Variants in PHC2 observed in about 807,000 individuals in gnomAD.
PHC2 encodes polyhomeotic-like protein 2.
Under a neutral mutation model 87.4 loss-of-function variants are expected in PHC2, and 29 were observed. That is an observed-to-expected ratio of 0.33 (90% CI 0.25 to 0.45). PHC2 has a LOEUF of 0.45. Ranked by LOEUF, PHC2 falls within the 20% of genes least tolerant of loss-of-function variation. PHC2 has a pLI of 1.00. For missense variants in PHC2, 857 were observed against 1,136.7 expected (o/e 0.75, Z 3.54); for synonymous variants, 438 against 461.7 (o/e 0.95, Z 0.66).
In PHC2 at chr1:33,380,971, G is replaced by A. The variant is rs111835310; in HGVS notation, c.-54-5378C>T. ...ACTTCCTACCTCTGTGGTTTTTACC[G>A]CTGTGGTTTCACTCACGCTATTCCC... On this transcript the variant is annotated intron_variant, in intron 1 of 14. Coordinates refer to ENST00000683057, the MANE Select transcript of PHC2 (RefSeq NM_001385109.1). Among the ~76,000 whole-genome samples, 375 of 152,236 alleles carry A rather than the reference G, an allele frequency of 2.5e-3. 7 individuals carry two copies. Among genetic ancestry groups the A allele is most frequent in the African/African-American group, 8.0e-3 (332 of 41,530 alleles).
At chr1:33,341,531 C>T (rs1027384473) in intron 9 of PHC2, among the ~76,000 whole-genome samples, 4 of 152,136 alleles carry the variant, frequency 2.6e-5, no homozygotes, top group Non-Finnish European at 5.9e-5. Context: ...TTAATCAGGA[C>T]GCACAAGCTG....
intron 1 of PHC2, among the ~76,000 whole-genome samples, chr1:33,377,714 T>C (rs1177601586): frequency 1.3e-5 from 2 of 151,930 alleles, no homozygotes; most frequent in Admixed American, 6.6e-5. Flanking sequence ...ATATAATTTT[T>C]CATACTAATG....
intron 9 of PHC2, chr1:33,346,085 G>A (rs1646839952): frequency 2.0e-6 from 2 of 985,164 alleles, no homozygotes; most frequent in Non-Finnish European, 2.4e-6. Flanking sequence ...ATCTTGAGGG[G>A]TAGTTCAGTT....
At chr1:33,426,791 G>A (rs895614475) in intron 1 of PHC2, among the ~76,000 whole-genome samples, 6 of 152,198 alleles carry the variant, frequency 3.9e-5, no homozygotes, top group Admixed American at 6.5e-5. Flanking sequence ...AGCACAAAAT[G>A]CTTTCCTACC....
chr1:33,380,477 G>A (rs1420636844), intron 1 of PHC2, among the ~76,000 whole-genome samples: 1 of 152,156 alleles, frequency 6.6e-6, no homozygotes, highest in African/African-American at 2.4e-5. Flanking sequence ...TGTTTTCAAA[G>A]TTCATTCATG....
intron 6 of PHC2, among the ~76,000 whole-genome samples, chr1:33,367,749 T>C (rs1647563368): frequency 6.6e-6 from 1 of 152,036 alleles, no homozygotes; most frequent in Non-Finnish European, 1.5e-5. Context: ...CCCAACACTT[T>C]CAGGATTGGA....
At position 33,334,037 on chromosome 1, in the gene PHC2, A is replaced by C; in HGVS notation, c.1761+53T>G. ...TACATGGAAATGTAAAAATATTCTA[A>C]GACACATCCAAAATATACTTAAAAA... is the stretch of plus-strand genomic sequence containing the variant. On this transcript the variant is annotated intron_variant, in intron 10 of 14. Transcript: ENST00000683057. This position sits in a 1 kb window ranked among gnomAD's most constrained non-coding sequence, Gnocchi z 5.5. 1.4e-6 allele frequency: 2 copies of C among 1,447,408 alleles called. No individual in the cohort carries two copies. The allele number at this position is 1,447,408 out of a possible 1,614,324, so 89.7% of individuals were successfully genotyped here.
At chr1:33,338,786 G>C (rs115513894) in intron 9 of PHC2, among the ~76,000 whole-genome samples, 5 of 152,128 alleles carry the variant, frequency 3.3e-5, no homozygotes, top group Admixed American at 6.6e-5. Flanking sequence ...TCAAATGCCT[G>C]TATACAGTCA....
At chr1:33,412,768 T>C (rs1374488727) in intron 1 of PHC2, among the ~76,000 whole-genome samples, 1 of 152,188 alleles carries the variant, frequency 6.6e-6, no homozygotes, top group Non-Finnish European at 1.5e-5. Context: ...AGCATAAATC[T>C]TGTAATTGAA....
intron 1 of PHC2, among the ~76,000 whole-genome samples, chr1:33,401,807 C>T (rs1367660600): frequency 6.6e-6 from 1 of 152,004 alleles, no homozygotes; most frequent in Non-Finnish European, 1.5e-5. Context: ...CAGGCATCCA[C>T]ATAGAAAAAT....
chr1:33,393,958 T>C (rs1347576860), intron 1 of PHC2, among the ~76,000 whole-genome samples: 1 of 152,196 alleles, frequency 6.6e-6, no homozygotes, highest in Non-Finnish European at 1.5e-5. Context: ...AGCCATATTA[T>C]AGAACCAAAG....
At chr1:33,340,024 A>G (rs759681038) in intron 9 of PHC2, among the ~76,000 whole-genome samples, 1 of 152,214 alleles carries the variant, frequency 6.6e-6, no homozygotes, top group Non-Finnish European at 1.5e-5. Flanking sequence ...TGACCCTAAG[A>G]TAGCCTGAAG....
In PHC2 at chr1:33,332,300, C is replaced by T. The variant is rs149493908; in HGVS notation, c.1866G>A (p.Ser622=). Reference sequence around the variant, plus strand: ...CTTGCAGATAGGGCTCCTCCATCTCCGAGTCAGTGGTGGTGGTGTGATCCT... The same window carrying T: ...CTTGCAGATAGGGCTCCTCCATCTCTGAGTCAGTGGTGGTGGTGTGATCCT... The part of the protein sequence containing the change: ...PQQDHTTTTD[S]EMEEPYLQES... Residue 622 remains serine (S), a synonymous_variant, in exon 11 of 15, where the codon TCG becomes TCA. Coordinates refer to ENST00000683057, the MANE Select transcript of PHC2 (RefSeq NM_001385109.1). This position sits in a 1 kb window ranked among gnomAD's most constrained non-coding sequence, Gnocchi z 4.2. 336 of 1,614,116 alleles carry T rather than the reference C, an allele frequency of 2.1e-4. 1 individual carries two copies. In the African/African-American group the frequency reaches 3.7e-3, roughly 18 times the overall value.
chr1:33,375,762 T>C (rs1480660956), intron 1 of PHC2, among the ~76,000 whole-genome samples, 169 bp from the exon 2 acceptor site: 3 of 152,248 alleles, frequency 2.0e-5, no homozygotes, highest in African/African-American at 4.8e-5. Context: ...ACTTTTTTTG[T>C]GTCATTATTC....
intron 1 of PHC2, among the ~76,000 whole-genome samples, chr1:33,384,542 T>A (rs767995221): frequency 6.6e-6 from 1 of 152,178 alleles, no homozygotes; most frequent in East Asian, 1.9e-4. Context: ...CTCTCCAGCT[T>A]CATTGCCTAC....
At chr1:33,388,903 C>T (rs532801994) in intron 1 of PHC2, among the ~76,000 whole-genome samples, 1 of 152,004 alleles carries the variant, frequency 6.6e-6, no homozygotes, top group African/African-American at 2.4e-5. Context: ...CAGGTTGTAA[C>T]GTGGGAGTGC....
chr1:33,373,348 T>C (rs539266249), intron 2 of PHC2, among the ~76,000 whole-genome samples: 1 of 152,266 alleles, frequency 6.6e-6, no homozygotes, highest in South Asian at 2.1e-4. Flanking sequence ...CTCGAACTCC[T>C]GACCTCAGGT....
intron 1 of PHC2, among the ~76,000 whole-genome samples, chr1:33,406,176 T>A (rs1015788210): frequency 1.3e-5 from 2 of 152,208 alleles, no homozygotes; most frequent in African/African-American, 4.8e-5. Flanking sequence ...TCATTTTATT[T>A]GATGAATAAA....
At chr1:33,366,200 TAGTGGTTGTCTC>T (rs1428019891) in intron 7 of PHC2, among the ~76,000 whole-genome samples, 1 of 152,218 alleles carries the variant, frequency 6.6e-6, no homozygotes, top group African/African-American at 2.4e-5. Context: ...GGACTGAGGT[TAGTGGTTGTCTC>T]AGGGATGCGA....
Sources: allele counts gnomAD v4.1 joint callset (sites outside exome capture counted in the v4.1 genomes callset), GRCh38; gene constraint gnomAD v4.1.1; non-coding constraint Gnocchi (gnomAD v3.1); transcripts MANE v1.5; gene names NCBI Gene and HGNC (gene_info 2026-07-23, HGNC 2026-07-21).